Variants in MCPH1 observed in about 807,000 individuals in gnomAD.
The protein encoded by MCPH1 is microcephalin.
Under a neutral mutation model 84.5 loss-of-function variants are expected in MCPH1, and 104 were observed. The observed-to-expected ratio is 1.23, with a 90% CI of 1.05 to 1.45. The LOEUF is 1.45. Ranked by LOEUF, MCPH1 falls within the 40% of genes most tolerant of loss-of-function variation. MCPH1 has a pLI of 0.00. For missense variants in MCPH1, 1,498 were observed against 1,005.7 expected (o/e 1.49, Z -6.62); for synonymous variants, 514 against 366.8 (o/e 1.40, Z -4.58).
chr8:6,455,252 G>T lies in MCPH1; in HGVS notation c.1935G>T (p.Lys645Asn), dbSNP rs1338186025. ...TGAAGAAAAGTGGGAGAGGCAAAAA[G>T]GTCAGTGTGTAAAAATATTATTTTA... is the stretch of plus-strand genomic sequence containing the variant. ...EELKKSGRGK[K>N]PTRTLVMTSM... is the part of the protein sequence containing the mutation. The change falls in exon 9 of 14, where the codon AAG (lysine) becomes AAT (asparagine). Residue 645 changes from lysine (K) to asparagine (N), a missense_variant and splice_region_variant. Transcript: ENST00000344683. The T allele has an allele frequency of 2.5e-6, 4 of 1,597,122 alleles. No homozygotes were observed. Among genetic ancestry groups the T allele is most frequent in the Non-Finnish European group, 3.4e-6 (4 of 1,164,678 alleles).
chr8:6,537,429 A>G (rs767222839), intron 12 of MCPH1, among the ~76,000 whole-genome samples: 4 of 152,024 alleles, frequency 2.6e-5, no homozygotes, highest in African/African-American at 7.3e-5. Context: ...TTCTAGCTGC[A>G]TGGTTTGCTG....
chr8:6,534,980 C>G (rs768213191), intron 12 of MCPH1, among the ~76,000 whole-genome samples: 1 of 152,166 alleles, frequency 6.6e-6, no homozygotes, highest in Non-Finnish European at 1.5e-5. Context: ...GTCTTAGTTA[C>G]TCCTCACAGC....
intron 3 of MCPH1, among the ~76,000 whole-genome samples, chr8:6,424,925 A>G (rs911512878): frequency 1.3e-5 from 2 of 152,186 alleles, no homozygotes; most frequent in African/African-American, 4.8e-5. Context: ...TTACCTCACT[A>G]ACACAGTGCC....
At chr8:6,583,133 G>T (rs1220520777) in intron 12 of MCPH1, among the ~76,000 whole-genome samples, 3 of 151,960 alleles carry the variant, frequency 2.0e-5, no homozygotes, top group African/African-American at 7.3e-5. Context: ...ACAGTGCCTC[G>T]CTGAATATTA....
At chr8:6,491,066 ATTT>A (rs199652275) in intron 11 of MCPH1, among the ~76,000 whole-genome samples, 2 of 105,406 alleles carry the variant, frequency 1.9e-5, no homozygotes, top group South Asian at 7.0e-4. Flanking sequence ...ATCAAAAAAA[ATTT>A]TTTTTTTACT....
chr8:6,534,529 A>G (rs950448680), intron 12 of MCPH1, among the ~76,000 whole-genome samples: 1 of 152,172 alleles, frequency 6.6e-6, no homozygotes, highest in African/African-American at 2.4e-5. Context: ...TCAGCCCCCC[A>G]AAGTGCTGGG....
At chr8:6,509,337 C>T (rs1199659628) in intron 12 of MCPH1, among the ~76,000 whole-genome samples, 1 of 152,220 alleles carries the variant, frequency 6.6e-6, no homozygotes, top group Admixed American at 6.5e-5. Flanking sequence ...AATTTATTTT[C>T]CTGCTGCTTT....
chr8:6,430,767 A>C (rs1019790169), intron 3 of MCPH1, among the ~76,000 whole-genome samples: 1 of 152,186 alleles, frequency 6.6e-6, no homozygotes, highest in Non-Finnish European at 1.5e-5. Context: ...GGAGTGACAG[A>C]AGGTTTTTAT....
intron 12 of MCPH1, among the ~76,000 whole-genome samples, chr8:6,609,640 G>A (rs971606546): frequency 1.3e-5 from 2 of 152,204 alleles, no homozygotes; most frequent in Non-Finnish European, 2.9e-5. Flanking sequence ...TTTTGGAAAA[G>A]CTAAGCCGGG....
intron 12 of MCPH1, among the ~76,000 whole-genome samples, chr8:6,526,238 G>C (rs543151784): frequency 7.2e-6 from 1 of 138,226 alleles, no homozygotes; most frequent in South Asian, 2.3e-4. Flanking sequence ...TGGGCAATAT[G>C]GCAAAACCTT....
intron 12 of MCPH1, among the ~76,000 whole-genome samples, chr8:6,566,633 G>C (rs2129576193): frequency 6.6e-6 from 1 of 152,350 alleles, no homozygotes; most frequent in African/African-American, 2.4e-5. Flanking sequence ...TGATCGGCAA[G>C]GCCATGGATA....
Position 6,511,167 on chromosome 8 carries a change from G to C in MCPH1, c.2214+11238G>C, listed in dbSNP as rs150353586. 3.5e-3 allele frequency among the ~76,000 whole-genome samples: 533 copies of C among 152,256 alleles called. 3 individuals carry two copies. The highest frequency in any genetic ancestry group is 0.011 in the African/African-American group (453 of 41,544). The stretch of plus-strand genomic sequence containing the variant: ...AGAATACTATTTTTTATGAGTCTCT[G>C]TTAGAAAGGTTTTGTGTAATTTTAG... On this transcript the variant is annotated intron_variant, in intron 12 of 13. Transcript: ENST00000344683.
chr8:6,565,154 GC>G (rs1826049643), intron 12 of MCPH1, among the ~76,000 whole-genome samples: 1 of 152,200 alleles, frequency 6.6e-6, no homozygotes, highest in African/African-American at 2.4e-5. Flanking sequence ...CATTCTTGGA[GC>G]CTCAGTCTCC....
chr8:6,430,027 C>T (rs563733106), intron 3 of MCPH1, among the ~76,000 whole-genome samples: 1 of 152,210 alleles, frequency 6.6e-6, no homozygotes, highest in South Asian at 2.1e-4. Context: ...CAATGTCACC[C>T]TGTTTGCTGC....
intron 13 of MCPH1, among the ~76,000 whole-genome samples, chr8:6,641,700 C>G (rs895930537): frequency 1.3e-5 from 2 of 152,126 alleles, no homozygotes; most frequent in South Asian, 4.1e-4. Context: ...GTCATGTTTG[C>G]ACCAATGCAG....
At chr8:6,474,236 T>G in intron 9 of MCPH1, 1 of 631,158 alleles carries the variant, frequency 1.6e-6, no homozygotes, top group Non-Finnish European at 2.9e-6. Flanking sequence ...GTCATACAAT[T>G]GCTTTTCTCA....
intron 9 of MCPH1, among the ~76,000 whole-genome samples, chr8:6,461,756 G>C (rs916731764): frequency 6.6e-6 from 1 of 152,170 alleles, no homozygotes. Flanking sequence ...GGGAGAAATA[G>C]AAAATATTAT....
At chr8:6,603,737 G>C (rs1387628762) in intron 12 of MCPH1, among the ~76,000 whole-genome samples, 1 of 152,164 alleles carries the variant, frequency 6.6e-6, no homozygotes, top group African/African-American at 2.4e-5. Flanking sequence ...GTTTTAAGAA[G>C]AGGATCCAAA....
chr8:6,562,572 G>GTTTTTAAAAACTGAGCT, intron 12 of MCPH1: 1 of 42,834 alleles, frequency 2.3e-5, no homozygotes. Context: ...TTTTTTTTTT[G>GTTTTTAAAAACTGAGCT]GTTGTTAAAA....
Sources: gnomAD v4.1 joint callset for allele counts (sites outside exome capture counted in the v4.1 genomes callset) on GRCh38, gnomAD v4.1.1 for gene constraint, MANE v1.5 for transcripts, NCBI Gene and HGNC (gene_info 2026-07-23, HGNC 2026-07-21) for gene names.